The following DCLK1 variants were observed in gnomAD, a reference collection of about 807,000 sequenced individuals.
DCLK1 encodes doublecortin like kinase 1, also known as serine/threonine-protein kinase DCLK1.
A neutral mutation model predicts 86.2 loss-of-function variants in DCLK1; 16 were observed. The ratio of observed to expected loss-of-function variants is 0.19; its 90% CI spans 0.13 to 0.28. The LOEUF (loss-of-function observed/expected upper bound fraction) is 0.28. Among genes scored for constraint, DCLK1 ranks in the 10% least tolerant of loss-of-function variants. The probability of loss-of-function intolerance (pLI) is 1.00; values close to 1 mark genes in which losing one functional copy is unlikely to be tolerated. For synonymous variants in DCLK1, 369 were observed against 370.5 expected, an observed-to-expected ratio of 1.00 and a Z score of 0.05; for missense variants, 590 against 940.2, an observed-to-expected ratio of 0.63 and a Z score of 4.87.
intron 5 of DCLK1, among the ~76,000 whole-genome samples, chr13:35,857,946 G>T (rs564386011): frequency 2.6e-5 from 4 of 152,210 alleles, no homozygotes; most frequent in Non-Finnish European, 5.9e-5. Flanking sequence ...GGCAGGGGCC[G>T]CATAGTGAGT....
intron 3 of DCLK1, among the ~76,000 whole-genome samples, chr13:36,097,581 G>T (rs1885063026): frequency 2.0e-5 from 3 of 151,770 alleles, no homozygotes; most frequent in Admixed American, 2.0e-4. Flanking sequence ...ACTCTAAATG[G>T]ATTATTTTCA....
At chr13:36,117,112 C>G (rs1008290530) in intron 2 of DCLK1, among the ~76,000 whole-genome samples, 1 of 151,860 alleles carries the variant, frequency 6.6e-6, no homozygotes, top group African/African-American at 2.4e-5. Flanking sequence ...TATGTCAGAC[C>G]TGTGGACATG....
At chr13:35,777,982 C>G (rs556628112) in intron 16 of DCLK1, among the ~76,000 whole-genome samples, 21 of 152,312 alleles carry the variant, frequency 1.4e-4, no homozygotes, top group Admixed American at 7.8e-4. Flanking sequence ...TTTGGAGGAC[C>G]AAGGTCAAGC....
At chr13:36,024,790 A>T (rs1388128993) in intron 3 of DCLK1, among the ~76,000 whole-genome samples, 1 of 152,156 alleles carries the variant, frequency 6.6e-6, no homozygotes, top group Non-Finnish European at 1.5e-5. Context: ...AACAATCCCG[A>T]GAAAGAAGAA....
At chr13:36,053,592 A>G (rs1883198008) in intron 3 of DCLK1, among the ~76,000 whole-genome samples, 1 of 151,954 alleles carries the variant, frequency 6.6e-6, no homozygotes, top group South Asian at 2.1e-4. Flanking sequence ...CAAGTGTGAC[A>G]TATATTTCAC....
chr13:36,013,410 TG>T (rs1881374260), intron 3 of DCLK1, among the ~76,000 whole-genome samples: 1 of 152,092 alleles, frequency 6.6e-6, no homozygotes, highest in Non-Finnish European at 1.5e-5. Flanking sequence ...GTTTTCGGTG[TG>T]GATGTCCTTT....
At chr13:36,071,355 T>G (rs1883969146) in intron 3 of DCLK1, among the ~76,000 whole-genome samples, 1 of 152,208 alleles carries the variant, frequency 6.6e-6, no homozygotes, top group Non-Finnish European at 1.5e-5. Flanking sequence ...ACTTTCTATG[T>G]GATTTTATAA....
intron 15 of DCLK1, among the ~76,000 whole-genome samples, chr13:35,799,556 T>G (rs1423251817): frequency 6.6e-6 from 1 of 151,356 alleles, no homozygotes; most frequent in Non-Finnish European, 1.5e-5. Flanking sequence ...TGGCCCTCAG[T>G]TTTTTTTTAA....
chr13:36,025,942 G>T (rs191173275), intron 3 of DCLK1, among the ~76,000 whole-genome samples: 1 of 152,184 alleles, frequency 6.6e-6, no homozygotes, highest in East Asian at 1.9e-4. Context: ...AGATAATTAG[G>T]ACTTGATCTA....
chr13:35,833,598 A>G (rs912368059), intron 8 of DCLK1, among the ~76,000 whole-genome samples: 1 of 152,174 alleles, frequency 6.6e-6, no homozygotes. Context: ...ACAGAAAGAC[A>G]TCGTTATTGT....
chr13:35,781,952 T>C (rs2086533944), intron 16 of DCLK1, among the ~76,000 whole-genome samples: 1 of 152,164 alleles, frequency 6.6e-6, no homozygotes, highest in African/African-American at 2.4e-5. Flanking sequence ...TGCAGTTCTG[T>C]TTTGTTTTGC....
At chr13:35,986,512 T>C (rs1216317898) in intron 3 of DCLK1, among the ~76,000 whole-genome samples, 1 of 152,052 alleles carries the variant, frequency 6.6e-6, no homozygotes, top group Non-Finnish European at 1.5e-5. Context: ...ATGCTTTTAA[T>C]CAGATCTGAG....
At chr13:35,860,666 T>C (rs1871330733) in intron 5 of DCLK1, among the ~76,000 whole-genome samples, 1 of 152,218 alleles carries the variant, frequency 6.6e-6, no homozygotes, top group Non-Finnish European at 1.5e-5. Context: ...TTCATTCATG[T>C]GGTCAACATT....
At chr13:35,953,176 C>G (rs543287585) in intron 3 of DCLK1, among the ~76,000 whole-genome samples, 2 of 152,298 alleles carry the variant, frequency 1.3e-5, no homozygotes, top group African/African-American at 2.4e-5. Context: ...AAGAGACAAA[C>G]TCTATTTGAC....
intron 4 of DCLK1, among the ~76,000 whole-genome samples, chr13:35,907,913 AAATGT>A (rs1874777429): frequency 6.6e-6 from 1 of 151,544 alleles, no homozygotes; most frequent in Non-Finnish European, 1.5e-5. Context: ...CTTTCAGAAT[AAATGT>A]AATTATTATT....
intron 4 of DCLK1, among the ~76,000 whole-genome samples, chr13:35,883,031 C>T (rs970907649): frequency 6.6e-6 from 1 of 152,020 alleles, no homozygotes; most frequent in African/African-American, 2.4e-5. Flanking sequence ...AAGCTGAGCT[C>T]TGAACACAGG....
intron 3 of DCLK1, among the ~76,000 whole-genome samples, chr13:36,059,868 C>CTTTTTTTTTTTTT (rs57867541): frequency 7.1e-6 from 1 of 140,324 alleles, no homozygotes; most frequent in African/African-American, 2.6e-5. Context: ...ACTTAAATCT[C>CTTTTTTTTTTTTT]TTTTTTTTTT....
intron 3 of DCLK1, among the ~76,000 whole-genome samples, chr13:36,044,354 G>A (rs1445349520): frequency 6.6e-6 from 1 of 152,122 alleles, no homozygotes; most frequent in Non-Finnish European, 1.5e-5. Context: ...TCATGAAAAT[G>A]GTAAAGGGAA....
intron 11 of DCLK1, among the ~76,000 whole-genome samples, chr13:35,819,542 C>A (rs1164889864): frequency 6.6e-6 from 1 of 152,154 alleles, no homozygotes; most frequent in Non-Finnish European, 1.5e-5. Flanking sequence ...TAACAAAAAT[C>A]TTGTTGTCAG....
Sources: gnomAD v4.1 joint callset for allele counts (sites outside exome capture counted in the v4.1 genomes callset) on GRCh38, gnomAD v4.1.1 for gene constraint, MANE v1.5 for transcripts, NCBI Gene and HGNC (gene_info 2026-07-23, HGNC 2026-07-21) for gene names.